SYNJ2: variants seen among roughly 807,000 people sequenced by gnomAD.
SYNJ2 encodes the protein synaptojanin 2.
A neutral mutation model predicts 141.3 loss-of-function variants in SYNJ2; 116 were observed. That is an observed-to-expected ratio of 0.82 (90% confidence interval 0.71 to 0.96). The LOEUF is 0.96. SYNJ2 is among the 40% of genes least tolerant of loss of function. SYNJ2 has a pLI of 0.00. For missense variants in SYNJ2, 1,873 were observed against 1,934.8 expected, an observed-to-expected ratio of 0.97 and a Z score of 0.60; for synonymous variants, 745 against 777.7, an observed-to-expected ratio of 0.96 and a Z score of 0.70.
At position 158,095,672 on chromosome 6, in the gene SYNJ2, C is replaced by G. The variant is rs1188734478; in HGVS notation, c.3799C>G (p.Pro1267Ala). The change falls in exon 27 of 27, where the codon CCC becomes GCC. Residue 1267 changes from proline (P) to alanine (A), a missense_variant. By Grantham distance (27) the Pro-to-Ala change is conservative. Transcript: ENST00000355585. ...EQQTVHFTIG[P>A]PETSVEAPPV... The stretch of plus-strand genomic sequence containing the variant: ...ACAGACTGTCCATTTTACAATCGGG[C>G]CCCCGGAGACAAGCGTTGAGGCCCC... 6 of 1,612,350 alleles carry G rather than the reference C, an allele frequency of 3.7e-6. No individual in the cohort carries two copies. Among genetic ancestry groups the G allele is most frequent in the Non-Finnish European group, 5.1e-6 (6 of 1,179,426 alleles).
chr6:158,081,087 C>A (rs944260218), intron 18 of SYNJ2, 22 bp from the exon 19 acceptor site: 47 of 1,610,714 alleles, frequency 2.9e-5, no homozygotes, highest in Non-Finnish European at 3.7e-5. Flanking sequence ...TAACTGTCAT[C>A]CCTCTTTTGT....
At chr6:158,083,095 G>A (rs1782804421) in intron 20 of SYNJ2, among the ~76,000 whole-genome samples, 1 of 152,102 alleles carries the variant, frequency 6.6e-6, no homozygotes, top group Non-Finnish European at 1.5e-5. Context: ...ACCACGCCCA[G>A]CTAATTTTTG....
chr6:158,089,313 C>A (rs117748754), intron 24 of SYNJ2, among the ~76,000 whole-genome samples: 10 of 151,960 alleles, frequency 6.6e-5, no homozygotes, highest in African/African-American at 2.4e-4. Flanking sequence ...AGAGGGGAAG[C>A]TGGGTGCTAG....
chr6:158,003,201 G>A (rs151006707), intron 1 of SYNJ2, among the ~76,000 whole-genome samples: 128 of 152,346 alleles, frequency 8.4e-4, no homozygotes, highest in African/African-American at 2.9e-3. Context: ...CCCTCACTCC[G>A]TGGCTCTTTC....
At chr6:158,054,150 T>G (rs1412420213) in intron 5 of SYNJ2, among the ~76,000 whole-genome samples, 1 of 147,942 alleles carries the variant, frequency 6.8e-6, no homozygotes, top group Non-Finnish European at 1.5e-5. Flanking sequence ...TCCACCCATC[T>G]ATCCATCCAC....
At chr6:158,085,555 T>C (rs966051670) in intron 22 of SYNJ2, among the ~76,000 whole-genome samples, 2 of 152,108 alleles carry the variant, frequency 1.3e-5, no homozygotes, top group Non-Finnish European at 2.9e-5. Flanking sequence ...GGGCTGAAAG[T>C]GGATTAAGGT....
chr6:158,068,875 C>T (rs1456037071), intron 13 of SYNJ2, 147 bp downstream of exon 13: 2 of 788,360 alleles, frequency 2.5e-6, no homozygotes, highest in East Asian at 5.0e-5. Context: ...TCTCACCTGG[C>T]TCCTTCTCTA....
At chr6:158,079,712 A>G (rs986658301) in intron 18 of SYNJ2, among the ~76,000 whole-genome samples, 1 of 152,208 alleles carries the variant, frequency 6.6e-6, no homozygotes, top group Non-Finnish European at 1.5e-5. Context: ...GCAAATACAT[A>G]CCTAGAAGTG....
chr6:158,051,489 C>G (rs1167105180), intron 5 of SYNJ2, among the ~76,000 whole-genome samples: 1 of 151,790 alleles, frequency 6.6e-6, no homozygotes, highest in East Asian at 1.9e-4. Context: ...ACAGAGGTAA[C>G]ACAGGCAGCA....
chr6:158,029,347 G>T, intron 3 of SYNJ2: 1 of 179,876 alleles, frequency 5.6e-6, no homozygotes. Flanking sequence ...TAAGGAGTTT[G>T]AGACAAGCCT....
chr6:158,085,052 C>T lies in SYNJ2; in HGVS notation c.3208+878C>T, dbSNP rs1782948332. Among the ~76,000 whole-genome samples, 6 of 149,558 alleles carry T rather than the reference C, an allele frequency of 4.0e-5. No individual in the cohort carries two copies. The South Asian group carries it at 1.3e-3, about 32-fold the overall frequency. The stretch of plus-strand genomic sequence containing the variant: ...TTTTTTTTTTTTTGAGACAGGGTCT[C>T]ACTGTCTCCCAGGCTGGAGTGCAGT... On this transcript the variant is annotated intron_variant, in intron 22 of 26. Transcript: ENST00000355585.
chr6:158,081,788 A>AT (rs1022952201), intron 20 of SYNJ2, among the ~76,000 whole-genome samples: 1 of 151,678 alleles, frequency 6.6e-6, no homozygotes, highest in African/African-American at 2.4e-5. Context: ...CACCCAGCTA[A>AT]TTTTTTTTAA....
intron 1 of SYNJ2, among the ~76,000 whole-genome samples, chr6:157,991,350 GGTTCTGCCTC>G (rs1777417520): frequency 6.6e-6 from 1 of 152,166 alleles, no homozygotes; most frequent in Admixed American, 6.5e-5. Context: ...TGGCAAATCG[GGTTCTGCCTC>G]GTTGGCTCTG....
intron 1 of SYNJ2, among the ~76,000 whole-genome samples, chr6:158,004,345 C>T (rs1385958919): frequency 3.9e-5 from 6 of 152,112 alleles, no homozygotes; most frequent in African/African-American, 1.4e-4. Context: ...CCAAAACCCA[C>T]CAAAACCAAG....
At chr6:157,998,671 A>C (rs527478294) in intron 1 of SYNJ2, among the ~76,000 whole-genome samples, 1 of 152,248 alleles carries the variant, frequency 6.6e-6, no homozygotes, top group Admixed American at 6.5e-5. Flanking sequence ...AATATAGGCT[A>C]TGCTTTCACA....
intron 4 of SYNJ2, among the ~76,000 whole-genome samples, chr6:158,042,035 CTT>C (rs1779976930): frequency 6.6e-6 from 1 of 152,216 alleles, no homozygotes; most frequent in Admixed American, 6.5e-5. Flanking sequence ...TAAACATTGT[CTT>C]TATATACAAA....
intron 15 of SYNJ2, among the ~76,000 whole-genome samples, chr6:158,073,161 A>G (rs1485589182): frequency 5.3e-5 from 8 of 151,966 alleles, no homozygotes; most frequent in Admixed American, 4.6e-4. Context: ...CTTTTCTACC[A>G]TAAAAATATT....
chr6:158,021,103 G>T (rs1470058901), intron 2 of SYNJ2, among the ~76,000 whole-genome samples: 2 of 152,128 alleles, frequency 1.3e-5, no homozygotes, highest in African/African-American at 4.8e-5. Flanking sequence ...TTATCCCAAT[G>T]ATTATAGCAA....
chr6:158,059,542 G>A (rs1297131695), intron 7 of SYNJ2, 189 bp downstream of exon 7: 2 of 1,350,960 alleles, frequency 1.5e-6, no homozygotes, highest in East Asian at 3.0e-5. Flanking sequence ...GATACAGTGA[G>A]TGTAATTTCT....
Sources: gnomAD v4.1 joint callset for allele counts (sites outside exome capture counted in the v4.1 genomes callset) on GRCh38, gnomAD v4.1.1 for gene constraint, MANE v1.5 for transcripts, NCBI Gene and HGNC (gene_info 2026-07-23, HGNC 2026-07-21) for gene names.